Variants in SETD5 observed in about 807,000 individuals in gnomAD.
SETD5 encodes the protein histone-lysine N-methyltransferase SETD5.
A neutral mutation model predicts 153.3 loss-of-function variants in SETD5; 44 were observed. The observed-to-expected ratio is 0.29, with a 90% confidence interval of 0.23 to 0.37. The LOEUF is 0.37. Among genes scored for constraint, SETD5 ranks in the 10% least tolerant of loss-of-function variants. The pLI, the probability that SETD5 is intolerant of heterozygous loss-of-function variation, is 1.00. For synonymous variants in SETD5, 716 were observed against 645.2 expected (o/e 1.11, Z -1.66); for missense variants, 1,544 against 1,768.0 (o/e 0.87, Z 2.27).
At chr3:9,421,398 A>T (rs994212675) in intron 1 of SETD5, among the ~76,000 whole-genome samples, 6 of 151,932 alleles carry the variant, frequency 3.9e-5, no homozygotes, top group Non-Finnish European at 8.8e-5. Context: ...TCAGCCTCCC[A>T]AAGTGCTAGG....
At chr3:9,420,356 G>T (rs1316633469) in intron 1 of SETD5, among the ~76,000 whole-genome samples, 3 of 152,044 alleles carry the variant, frequency 2.0e-5, no homozygotes, top group African/African-American at 7.3e-5. Context: ...CACTAATTAT[G>T]AAGTTTTTTA....
In SETD5 at chr3:9,447,701, A is replaced by G. The variant is rs1471157712; in HGVS notation, c.1798A>G (p.Lys600Glu). Reference sequence around the variant, plus strand: ...ATTGCTACAGGATATTGCTGCAGAAAAACTAGTCCCCAAGCCACCTCCAGC... The same window carrying G: ...ATTGCTACAGGATATTGCTGCAGAAGAACTAGTCCCCAAGCCACCTCCAGC... ...SSQAGDIAAE[K>E]LVPKPPPAKP... The change falls in exon 15 of 23, where the codon AAA becomes GAA. Residue 600 changes from lysine (K) to glutamate (E), a missense_variant. Physicochemically the swap from Lys to Glu is moderately conservative, Grantham distance 56. Coordinates refer to ENST00000402198, the MANE Select transcript of SETD5 (RefSeq NM_001080517.3). The G allele has an allele frequency of 6.2e-7, 1 of 1,613,712 alleles. No individual in the cohort carries two copies. Among genetic ancestry groups the G allele is most frequent in the Admixed American group, 1.7e-5 (1 of 59,992 alleles).
chr3:9,420,600 T>C (rs2038224925), intron 1 of SETD5, among the ~76,000 whole-genome samples: 2 of 152,192 alleles, frequency 1.3e-5, no homozygotes, highest in South Asian at 4.1e-4. Context: ...TCATGATGTT[T>C]CCTGTCTCTC....
intron 11 of SETD5, among the ~76,000 whole-genome samples, chr3:9,443,790 G>A (rs984937033): frequency 2.6e-5 from 4 of 152,212 alleles, no homozygotes; most frequent in African/African-American, 4.8e-5. Context: ...TAGGCCAGGC[G>A]CAGTGGCTCA....
chr3:9,425,062 T>TTTTTTTTTTTTTTTTTG (rs2038967983), intron 2 of SETD5, among the ~76,000 whole-genome samples: 1 of 144,398 alleles, frequency 6.9e-6, no homozygotes, highest in Non-Finnish European at 1.5e-5. Flanking sequence ...TTTCTTTTTT[T>TTTTTTTTTTTTTTTTTG]TTTTTTTTTT....
At position 9,440,584 on chromosome 3, in the gene SETD5, G is replaced by A. The variant is rs751297371; in HGVS notation, c.696G>A (p.Ala232=). The A allele has an allele frequency of 1.9e-6, 3 of 1,613,940 alleles. No individual in the cohort carries two copies. The highest frequency in any genetic ancestry group is 2.5e-6 in the Non-Finnish European group (3 of 1,179,864). Residue 232 remains alanine (A), a synonymous_variant, in exon 8 of 23, where the codon GCG becomes GCA. Coordinates refer to ENST00000402198, the MANE Select transcript of SETD5 (RefSeq NM_001080517.3). Reference sequence around the variant, plus strand: ...AGTACAGTGCAGATGTACAGAACGCGCTTGAACAACACCTACATTCTAGCA... The same window carrying A: ...AGTACAGTGCAGATGTACAGAACGCACTTGAACAACACCTACATTCTAGCA... The part of the protein sequence containing the change: ...TNQYSADVQN[A]LEQHLHSSKE...
chr3:9,460,660 A>C (rs1344875836), intron 17 of SETD5, among the ~76,000 whole-genome samples: 2 of 152,156 alleles, frequency 1.3e-5, no homozygotes, highest in East Asian at 1.9e-4. Flanking sequence ...AGAATCTAAT[A>C]AGATAAATAT....
In SETD5 at chr3:9,474,688, T is replaced by C. The variant is rs1575624972; in HGVS notation, c.3631+106T>C. 4.7e-6 allele frequency: 7 copies of C among 1,480,050 alleles called. No individual in the cohort carries two copies. The South Asian group carries it at 5.2e-5, about 11-fold the overall frequency. The allele number at this position is 1,480,050 out of a possible 1,614,324, so 91.7% of individuals were successfully genotyped here. On this transcript the variant is annotated intron_variant, in intron 21 of 22. Transcript: ENST00000402198. ...TGAGGTGAGTCAGTTTCTGATGCAG[T>C]TGGGCTCCACCGCATGCTAGGTTCC...
At chr3:9,401,737 A>G (rs2034816953) in intron 1 of SETD5, among the ~76,000 whole-genome samples, 1 of 152,224 alleles carries the variant, frequency 6.6e-6, no homozygotes. Context: ...TAAAATTTTA[A>G]AAATAATTTT....
chr3:9,432,193 C>T (rs1242585518), intron 3 of SETD5: 1 of 671,172 alleles, frequency 1.5e-6, no homozygotes, highest in African/African-American at 2.0e-5. Context: ...ATCTTGCAGA[C>T]ACTTTTAAGT....
At chr3:9,424,766 A>G (rs80208369) in intron 2 of SETD5, among the ~76,000 whole-genome samples, 9,602 of 152,258 alleles carry the variant, frequency 0.063, 459 homozygotes, top group Admixed American at 0.12. Flanking sequence ...AAAATACTGC[A>G]TTTAGATGAT....
chr3:9,416,650 T>C (rs2037516905), intron 1 of SETD5, among the ~76,000 whole-genome samples: 1 of 152,208 alleles, frequency 6.6e-6, no homozygotes, highest in East Asian at 1.9e-4. Flanking sequence ...GAACTTTTGC[T>C]AAAGAATTAT....
chr3:9,455,190 T>G (rs1178253425), intron 17 of SETD5, among the ~76,000 whole-genome samples: 2 of 141,374 alleles, frequency 1.4e-5, no homozygotes, highest in Non-Finnish European at 3.1e-5. Flanking sequence ...TTTTTTTTTT[T>G]GAAATGGAGA....
intron 13 of SETD5, among the ~76,000 whole-genome samples, chr3:9,446,148 G>T (rs1245975968): frequency 6.6e-6 from 1 of 151,134 alleles, no homozygotes; most frequent in East Asian, 2.0e-4. Context: ...TTAGCCGGGC[G>T]CGGTGGCGGG....
intron 1 of SETD5, among the ~76,000 whole-genome samples, chr3:9,405,813 TTTG>T (rs1215072491): frequency 1.3e-5 from 2 of 152,236 alleles, no homozygotes. Context: ...GAAGGGGGTT[TTTG>T]TTGTTGGATT....
chr3:9,398,143 C>T (rs2034004070), intron 1 of SETD5, among the ~76,000 whole-genome samples, 166 bp downstream of exon 1: 1 of 151,680 alleles, frequency 6.6e-6, no homozygotes, highest in Admixed American at 6.6e-5. Flanking sequence ...CCGCCTTGCA[C>T]ACACCGTTGC....
chr3:9,475,404 T>C (rs549232285), intron 22 of SETD5, 79 bp from the exon 23 acceptor site: 3 of 1,520,282 alleles, frequency 2.0e-6, no homozygotes, highest in African/African-American at 1.4e-5. Flanking sequence ...GAAAAAAGAA[T>C]GTAGGGTATT....
chr3:9,426,891 C>T (rs1004208686), intron 2 of SETD5, among the ~76,000 whole-genome samples: 9 of 151,948 alleles, frequency 5.9e-5, no homozygotes, highest in South Asian at 2.1e-4. Context: ...TAGGAACAGG[C>T]GTATTGTCAT....
chr3:9,475,441 A>G (rs1389639752), intron 22 of SETD5, 42 bp from the exon 23 acceptor site: 1 of 1,572,746 alleles, frequency 6.4e-7, no homozygotes, highest in African/African-American at 1.4e-5. Context: ...CATTTAAGGG[A>G]CTTGTTCGCG....
Sources: gnomAD v4.1 joint callset for allele counts (sites outside exome capture counted in the v4.1 genomes callset) on GRCh38, gnomAD v4.1.1 for gene constraint, MANE v1.5 for transcripts, NCBI Gene and HGNC (gene_info 2026-07-23, HGNC 2026-07-21) for gene names.